PTPRD: variants seen among roughly 807,000 people sequenced by gnomAD.
PTPRD encodes receptor-type tyrosine-protein phosphatase delta.
PTPRD carries 34 observed loss-of-function variants against 214.5 expected under a neutral mutation model. The ratio of observed to expected loss-of-function variants is 0.16; its 90% CI spans 0.12 to 0.21. The LOEUF (loss-of-function observed/expected upper bound fraction) is 0.21, where lower values mean the gene tolerates loss of function less well. PTPRD is among the 10% of genes least tolerant of loss of function. The pLI, the probability that PTPRD is intolerant of heterozygous loss-of-function variation, is 1.00. For synonymous variants in PTPRD, 1,128 were observed against 845.7 expected (o/e 1.33, Z -5.79); for missense variants, 2,545 against 2,398.7 (o/e 1.06, Z -1.27).
chr9:9,607,005 A>AAAAG (rs1187365479), intron 7 of PTPRD, among the ~76,000 whole-genome samples: 3 of 119,604 alleles, frequency 2.5e-5, no homozygotes, highest in Non-Finnish European at 5.2e-5. Context: ...AAAAAAAAAA[A>AAAAG]GTGTTTCTGC....
rs962777189 is a variant in PTPRD at position 9,970,899 on chromosome 9, G to A, written c.-471-32289C>T. ...AATCTGCTTATTTTCCAAGGAACTG[G>A]TAGTTAAATACAGACTGTTTATTGT... On this transcript the variant is annotated intron_variant, in intron 4 of 45. Transcript: ENST00000381196. Among the ~76,000 whole-genome samples, 11 of 152,198 alleles carry A rather than the reference G, an allele frequency of 7.2e-5. No individual in the cohort carries two copies. In the South Asian group the frequency reaches 1.7e-3, roughly 23 times the overall value.
chr9:8,374,178 T>C (rs920783291), intron 39 of PTPRD, among the ~76,000 whole-genome samples: 2 of 151,372 alleles, frequency 1.3e-5, no homozygotes, highest in Non-Finnish European at 3.0e-5. Context: ...ATTAGGCATA[T>C]AAGGGCAACA....
chr9:9,393,799 T>C (rs1482132055), intron 9 of PTPRD, among the ~76,000 whole-genome samples: 1 of 152,150 alleles, frequency 6.6e-6, no homozygotes, highest in Non-Finnish European at 1.5e-5. Flanking sequence ...TGAATATAAA[T>C]AATTTAGCAC....
At chr9:9,988,527 G>C (rs867069880) in intron 4 of PTPRD, among the ~76,000 whole-genome samples, 1 of 152,110 alleles carries the variant, frequency 6.6e-6, no homozygotes, top group African/African-American at 2.4e-5. Flanking sequence ...AGGACATGCA[G>C]AACATAAGTC....
chr9:10,598,284 A>T (rs1382333568), intron 2 of PTPRD, among the ~76,000 whole-genome samples: 2 of 151,848 alleles, frequency 1.3e-5, no homozygotes, highest in Non-Finnish European at 2.9e-5. Context: ...GCTAGCTCGA[A>T]GTAAACATTT....
At chr9:9,962,386 G>C (rs1250483320) in intron 4 of PTPRD, among the ~76,000 whole-genome samples, 1 of 152,028 alleles carries the variant, frequency 6.6e-6, no homozygotes, top group East Asian at 1.9e-4. Flanking sequence ...CAAACAATTT[G>C]ATTTCCTATC....
At chr9:10,472,803 A>G (rs2099039738) in intron 2 of PTPRD, among the ~76,000 whole-genome samples, 1 of 152,060 alleles carries the variant, frequency 6.6e-6, no homozygotes, top group Non-Finnish European at 1.5e-5. Flanking sequence ...GCAAACCTAA[A>G]TCATTACTTA....
intron 2 of PTPRD, among the ~76,000 whole-genome samples, chr9:10,489,918 C>G (rs1054490695): frequency 6.6e-6 from 1 of 152,152 alleles, no homozygotes; most frequent in East Asian, 1.9e-4. Flanking sequence ...TTTTGCTTAC[C>G]TCTTCAGTGC....
chr9:9,803,220 C>A (rs755672027), intron 5 of PTPRD, among the ~76,000 whole-genome samples: 1 of 150,450 alleles, frequency 6.6e-6, no homozygotes, highest in African/African-American at 2.4e-5. Flanking sequence ...ATGTTACTTT[C>A]ACCTTCACTG....
intron 5 of PTPRD, among the ~76,000 whole-genome samples, chr9:9,909,040 G>C (rs916563624): frequency 1.4e-5 from 2 of 147,688 alleles, no homozygotes; most frequent in Admixed American, 6.8e-5. Flanking sequence ...GGTAAATAAA[G>C]GATTTTTTTC....
At chr9:10,344,657 C>T (rs1385529881) in intron 2 of PTPRD, among the ~76,000 whole-genome samples, 2 of 152,226 alleles carry the variant, frequency 1.3e-5, no homozygotes, top group African/African-American at 4.8e-5. Flanking sequence ...TTCTTCCTAT[C>T]CATGAGCATG....
chr9:10,100,920 C>A (rs553131023), intron 3 of PTPRD, among the ~76,000 whole-genome samples: 7 of 151,496 alleles, frequency 4.6e-5, no homozygotes, highest in African/African-American at 1.7e-4. Context: ...ACTGAGATAA[C>A]GAAAAAGGTC....
At chr9:9,679,262 TCA>T (rs1478708240) in intron 7 of PTPRD, among the ~76,000 whole-genome samples, 1 of 151,554 alleles carries the variant, frequency 6.6e-6, no homozygotes, top group African/African-American at 2.4e-5. Context: ...CCCACTCCCT[TCA>T]CACACAAGCG....
intron 9 of PTPRD, among the ~76,000 whole-genome samples, chr9:9,333,484 C>T (rs2043113001): frequency 8.2e-6 from 1 of 121,770 alleles, no homozygotes; most frequent in South Asian, 2.3e-4. Flanking sequence ...ATATATAAAA[C>T]ATATATATTA....
At chr9:8,913,769 G>A (rs1020937024) in intron 11 of PTPRD, among the ~76,000 whole-genome samples, 2 of 152,148 alleles carry the variant, frequency 1.3e-5, no homozygotes, top group African/African-American at 4.8e-5. Context: ...GCAAATAAAC[G>A]TATACTTATT....
chr9:8,530,766 T>C (rs2075483334), intron 14 of PTPRD, among the ~76,000 whole-genome samples: 1 of 152,078 alleles, frequency 6.6e-6, no homozygotes, highest in African/African-American at 2.4e-5. Context: ...TGAATGTGAA[T>C]GGCGAAAGAA....
At chr9:8,727,637 G>C (rs1598135085) in intron 12 of PTPRD, among the ~76,000 whole-genome samples, 1 of 150,366 alleles carries the variant, frequency 6.7e-6, no homozygotes, top group South Asian at 2.1e-4. Flanking sequence ...TTTGGTTTAG[G>C]TGTTTTTTGT....
In PTPRD at chr9:9,631,192, C is replaced by CATAAATAA. The variant is rs140642091; in HGVS notation, c.-286-56419_-286-56412dup. 5.2e-3 allele frequency among the ~76,000 whole-genome samples: 720 copies of CATAAATAA among 139,532 alleles called. 13 individuals are homozygous for CATAAATAA. The highest frequency in any genetic ancestry group is 0.016 in the African/African-American group (591 of 37,086). The allele number at this position is 139,532 out of a possible 152,430, so 91.5% of individuals were successfully genotyped here. A position where few individuals can be genotyped will look rare whatever the true frequency, so the allele number is the denominator to read the frequency against. ...GTACTCCTTAGACAAGTATCTCATT[C>CATAAATAA]ATAAATAAATAAATAAATAAATAAA... On this transcript the variant is annotated intron_variant, in intron 7 of 45. Transcript: ENST00000381196.
chr9:10,568,042 T>C (rs922449189), intron 2 of PTPRD, among the ~76,000 whole-genome samples: 1 of 151,982 alleles, frequency 6.6e-6, no homozygotes, highest in Non-Finnish European at 1.5e-5. Flanking sequence ...TGTATACATG[T>C]GCCATGTTGG....
Sources: gnomAD v4.1 joint callset for allele counts (sites outside exome capture counted in the v4.1 genomes callset) on GRCh38, gnomAD v4.1.1 for gene constraint, MANE v1.5 for transcripts, NCBI Gene and HGNC (gene_info 2026-07-23, HGNC 2026-07-21) for gene names.